STAB2: variants seen among roughly 807,000 people sequenced by gnomAD.
The protein encoded by STAB2 is stabilin 2, also known as stabilin-2.
In STAB2, 288 loss-of-function variants were observed where a neutral mutation model predicts 338.1. The observed-to-expected ratio is 0.85, with a 90% confidence interval of 0.77 to 0.94. The LOEUF is 0.94. Ranked by LOEUF, STAB2 falls within the 40% of genes least tolerant of loss-of-function variation. The pLI is 0.00. For synonymous variants in STAB2, 1,202 were observed against 1,193.3 expected (o/e 1.01, Z -0.15); for missense variants, 3,141 against 3,210.1 (o/e 0.98, Z 0.52).
intron 9 of STAB2, among the ~76,000 whole-genome samples, chr12:103,646,487 T>A (rs2138714636): frequency 6.6e-6 from 1 of 152,344 alleles, no homozygotes; most frequent in Middle Eastern, 3.4e-3. Context: ...GTCACAGTGC[T>A]ATTTTTCTTT....
intron 9 of STAB2, among the ~76,000 whole-genome samples, chr12:103,641,141 C>G (rs893148896): frequency 6.6e-6 from 1 of 152,192 alleles, no homozygotes; most frequent in Non-Finnish European, 1.5e-5. Flanking sequence ...CATGATAAAA[C>G]AGTTTCTGTG....
chr12:103,638,850 C>G (rs922310516), intron 8 of STAB2, among the ~76,000 whole-genome samples: 1 of 152,184 alleles, frequency 6.6e-6, no homozygotes, highest in Non-Finnish European at 1.5e-5. Context: ...GCACATCAAG[C>G]CTTCAGTGAA....
Position 103,620,477 on chromosome 12 carries a change from G to C in STAB2, c.341G>C (p.Gly114Ala). The C allele has an allele frequency of 6.3e-7, 1 of 1,582,046 alleles. No individual in the cohort carries two copies. The highest frequency in any genetic ancestry group is 8.6e-7 in the Non-Finnish European group (1 of 1,162,602). The change falls in exon 4 of 69, where the codon GGT becomes GCT. Residue 114 changes from glycine to alanine, a missense_variant. Physicochemically the swap from Gly to Ala is moderately conservative, Grantham distance 60. Coordinates refer to ENST00000388887, the MANE Select transcript of STAB2 (RefSeq NM_017564.10). ...CTGTTTGATTCCCTAGAGTGCCCAG[G>C]TGGAGCGGGGTCACCCTGCAATGGC... is the stretch of plus-strand genomic sequence containing the variant. ...RWGPDCIECP[G>A]GAGSPCNGRG...
intron 58 of STAB2, among the ~76,000 whole-genome samples, chr12:103,748,112 A>G (rs988774459): frequency 1.3e-5 from 2 of 152,222 alleles, no homozygotes; most frequent in Non-Finnish European, 2.9e-5. Context: ...AAATATTCAC[A>G]GAGATATATA....
At chr12:103,609,832 A>G (rs1957093529) in intron 3 of STAB2, among the ~76,000 whole-genome samples, 1 of 152,072 alleles carries the variant, frequency 6.6e-6, no homozygotes, top group Admixed American at 6.5e-5. Context: ...GTTTGTCATA[A>G]ATAGCTCTTA....
At chr12:103,752,832 A>G (rs1441303673) in intron 60 of STAB2, among the ~76,000 whole-genome samples, 1 of 152,244 alleles carries the variant, frequency 6.6e-6, no homozygotes, top group East Asian at 1.9e-4. Flanking sequence ...ATATAACATG[A>G]ATAAATAGGA....
At chr12:103,750,430 C>G (rs529833474) in intron 59 of STAB2, 149 bp from the exon 60 acceptor site, 1 of 906,234 alleles carries the variant, frequency 1.1e-6, no homozygotes, top group South Asian at 1.6e-5. Context: ...AAAAGCAGGA[C>G]GTAGCAGTTA....
rs1366923585 is a variant in STAB2 at position 103,636,483 on chromosome 12, A to G, written c.584-628A>G. ...TTTTAAAAAAAATAGGTACCCTAAG[A>G]TCAGGGCTCACCTCCTATAATGAAA... On this transcript the variant is annotated intron_variant, in intron 6 of 68. Transcript: ENST00000388887. Among the ~76,000 whole-genome samples the G allele has an allele frequency of 2.0e-5, 3 of 151,670 alleles. No homozygotes were observed. In the East Asian group the frequency reaches 5.8e-4, roughly 29 times the overall value.
At chr12:103,755,895 G>A (rs1230848161) in intron 63 of STAB2, among the ~76,000 whole-genome samples, 177 bp downstream of exon 63, 1 of 152,144 alleles carries the variant, frequency 6.6e-6, no homozygotes, top group Non-Finnish European at 1.5e-5. Context: ...CCTTAAAGAA[G>A]TTACTTTCCT....
At chr12:103,739,735 A>T (rs1040958514) in intron 54 of STAB2, among the ~76,000 whole-genome samples, 9 of 152,214 alleles carry the variant, frequency 5.9e-5, no homozygotes, top group African/African-American at 2.2e-4. Flanking sequence ...CTTAGAAGAT[A>T]ATTATGATTA....
chr12:103,689,575 A>G (rs1267391789), intron 28 of STAB2, among the ~76,000 whole-genome samples: 1 of 152,116 alleles, frequency 6.6e-6, no homozygotes, highest in African/African-American at 2.4e-5. Context: ...TTGGCTCTTC[A>G]TTTAGACTAA....
At chr12:103,722,496 A>G (rs1439033244) in intron 44 of STAB2, among the ~76,000 whole-genome samples, 1 of 152,226 alleles carries the variant, frequency 6.6e-6, no homozygotes, top group Admixed American at 6.5e-5. Context: ...GAAGTAAGGA[A>G]AGTAGAAACA....
chr12:103,712,263 A>T, intron 40 of STAB2, 104 bp from the exon 41 acceptor site: 2 of 883,168 alleles, frequency 2.3e-6, no homozygotes, highest in East Asian at 2.4e-5. Flanking sequence ...TGAGTGTCTC[A>T]TGGGGGCAGG....
At chr12:103,669,803 GGA>G (rs1168649348) in intron 21 of STAB2, among the ~76,000 whole-genome samples, 176 bp downstream of exon 21, 1 of 152,194 alleles carries the variant, frequency 6.6e-6, no homozygotes, top group Non-Finnish European at 1.5e-5. Context: ...ATGGGGGATG[GGA>G]GAGAGAGATT....
At chr12:103,631,469 AAGAG>A in intron 5 of STAB2, 125 bp from the exon 6 acceptor site, 1 of 827,240 alleles carries the variant, frequency 1.2e-6, no homozygotes, top group Non-Finnish European at 1.9e-6. Context: ...GTGCTGATAA[AAGAG>A]AGAGGAGCCA....
chr12:103,654,414 C>G, intron 12 of STAB2, 141 bp from the exon 13 acceptor site: 1 of 888,150 alleles, frequency 1.1e-6, no homozygotes. Flanking sequence ...TTCATCCCCA[C>G]TTTAGATTAA....
At position 103,652,672 on chromosome 12, in the gene STAB2, T is replaced by C. The variant is rs1252583309; in HGVS notation, c.1374T>C (p.Thr458=). 2 of 1,602,500 alleles carry C rather than the reference T, an allele frequency of 1.2e-6. No homozygotes were observed. Among genetic ancestry groups the C allele is most frequent in the Admixed American group, 1.7e-5 (1 of 58,098 alleles). Residue 458 remains threonine (T), a synonymous_variant, in exon 12 of 69, where the codon ACT becomes ACC. Coordinates refer to ENST00000388887, the MANE Select transcript of STAB2 (RefSeq NM_017564.10). ...ACACAGACATGTTCTACACCTTGAC[T>C]GGAAAGTCGGGGGAAATCTTCAACA... ...MNNTDMFYTL[T]GKSGEIFNSD...
chr12:103,709,515 C>G (rs1021492063), intron 39 of STAB2, among the ~76,000 whole-genome samples: 5 of 152,228 alleles, frequency 3.3e-5, no homozygotes, highest in Non-Finnish European at 7.3e-5. Flanking sequence ...GAGACTCCCC[C>G]TCTTCCGGGT....
At position 103,766,148 on chromosome 12, in the gene STAB2, CACAA is replaced by C. The variant is rs762903035; in HGVS notation, c.7606-130_7606-127del. On this transcript the variant is annotated intron_variant, in intron 68 of 68. Transcript: ENST00000388887. Reference sequence around the variant, plus strand: ...CCTGCCTCCCAACACAAGGCAGCAGCACAAACAAACACGCCCAGCACATACGTGT... The same window carrying C: ...CCTGCCTCCCAACACAAGGCAGCAGCACAAACACGCCCAGCACATACGTGT... 73 of 1,183,316 alleles carry C rather than the reference CACAA, an allele frequency of 6.2e-5. 1 individual carries two copies. The Admixed American group carries it at 6.3e-4, about 10-fold the overall frequency. 73.3% of individuals were successfully genotyped at this position (1,183,316 alleles called of 1,614,324 possible).
Sources: allele counts gnomAD v4.1 joint callset (sites outside exome capture counted in the v4.1 genomes callset), GRCh38; gene constraint gnomAD v4.1.1; transcripts MANE v1.5; gene names NCBI Gene and HGNC (gene_info 2026-07-23, HGNC 2026-07-21).